RHEB: variants seen among roughly 807,000 people sequenced by gnomAD.
RHEB encodes GTP-binding protein Rheb.
RHEB carries 2 observed loss-of-function variants against 28.8 expected under a neutral mutation model. That is an observed-to-expected ratio of 0.07 (90% CI 0.03 to 0.22). The LOEUF is 0.22. Among genes scored for constraint, RHEB ranks in the 10% least tolerant of loss-of-function variants. The pLI, the probability that RHEB is intolerant of heterozygous loss-of-function variation, is 1.00. For synonymous variants in RHEB, 69 were observed against 77.3 expected, an observed-to-expected ratio of 0.89 and a Z score of 0.56; for missense variants, 76 against 219.9, an observed-to-expected ratio of 0.35 and a Z score of 4.14.
At chr7:151,478,336 C>A (rs1182008373) in intron 3 of RHEB, among the ~76,000 whole-genome samples, 3 of 150,716 alleles carry the variant, frequency 2.0e-5, no homozygotes, top group Admixed American at 2.0e-4. Flanking sequence ...ATGGTTATAA[C>A]CACTGTTTAT....
At chr7:151,505,261 A>G (rs1802849984) in intron 1 of RHEB, among the ~76,000 whole-genome samples, 1 of 152,220 alleles carries the variant, frequency 6.6e-6, no homozygotes, top group African/African-American at 2.4e-5. Flanking sequence ...AAGTCACACT[A>G]GGAGAAAATA....
At position 151,472,933 on chromosome 7, in the gene RHEB, C is replaced by T. The variant is rs1109089; in HGVS notation, c.276-1328G>A. Among the ~76,000 whole-genome samples the T allele has an allele frequency of 0.4, 60,541 of 152,122 alleles. 14,128 individuals are homozygous for T. The highest frequency in any genetic ancestry group is 0.6 in the South Asian group (2,870 of 4,820). ...TGCATTACAGAACCACGGTTTCCTC[C>T]GCATGCTGTATTTGCCTATCTTTAA... On this transcript the variant is annotated intron_variant, in intron 4 of 7. Transcript: ENST00000262187. The surrounding 1 kb of genome is among the most constrained non-coding windows in gnomAD (Gnocchi z 5.2).
intron 1 of RHEB, among the ~76,000 whole-genome samples, chr7:151,504,380 G>A (rs1802829543): frequency 6.6e-6 from 1 of 152,192 alleles, no homozygotes; most frequent in South Asian, 2.1e-4. Context: ...CTGGTTCCAG[G>A]ATGCTTGAGG....
At position 151,479,490 on chromosome 7, in the gene RHEB, G is replaced by C. The variant is rs182240420; in HGVS notation, c.193-2075C>G. Among the ~76,000 whole-genome samples, 374 of 152,182 alleles carry C rather than the reference G, an allele frequency of 2.5e-3. 1 individual carries two copies. The highest frequency in any genetic ancestry group is 3.3e-3 in the South Asian group (16 of 4,826). On this transcript the variant is annotated intron_variant, in intron 3 of 7. Coordinates refer to ENST00000262187, the MANE Select transcript of RHEB (RefSeq NM_005614.4). ...AAGGTCAGGAGATTCATATCATCCT[G>C]GCTAACACAGTGAAACCCCGTCTCC...
rs554703512 is a variant in RHEB at position 151,479,678 on chromosome 7, G to C, written c.193-2263C>G. Among the ~76,000 whole-genome samples, 65 of 98,088 alleles carry C rather than the reference G, an allele frequency of 6.6e-4. 1 individual carries two copies. Among genetic ancestry groups the C allele is most frequent in the South Asian group, 6.6e-3 (16 of 2,440 alleles). 64.3% of individuals were successfully genotyped at this position (98,088 alleles called of 152,430 possible). On this transcript the variant is annotated intron_variant, in intron 3 of 7. Coordinates refer to ENST00000262187, the MANE Select transcript of RHEB (RefSeq NM_005614.4). ...AGCCTGGGCGATAGAGCGAGACTCC[G>C]TCTCAAAAAAAAAAAAAAAAAGATT...
At chr7:151,502,919 G>C (rs1245322183) in intron 1 of RHEB, 2 of 796,800 alleles carry the variant, frequency 2.5e-6, no homozygotes, top group African/African-American at 3.4e-5. Context: ...AAAATTAGTT[G>C]ATATATCCTA....
At chr7:151,499,256 G>A (rs187591833) in intron 1 of RHEB, among the ~76,000 whole-genome samples, 508 of 152,292 alleles carry the variant, frequency 3.3e-3, no homozygotes, top group Non-Finnish European at 4.7e-3. Flanking sequence ...TACTGGGGAG[G>A]CTGAGGCACA....
At chr7:151,467,910 C>T (rs1802095000) in intron 7 of RHEB, among the ~76,000 whole-genome samples, 1 of 152,068 alleles carries the variant, frequency 6.6e-6, no homozygotes, top group South Asian at 2.1e-4. Flanking sequence ...CTTTATTTTT[C>T]CTTTTTTGTT....
chr7:151,483,726 G>C (rs569396829), intron 3 of RHEB, among the ~76,000 whole-genome samples: 4 of 152,258 alleles, frequency 2.6e-5, no homozygotes, highest in Non-Finnish European at 5.9e-5. Context: ...AATGTTGCAA[G>C]GGCAGGAGTT....
intron 1 of RHEB, among the ~76,000 whole-genome samples, chr7:151,499,824 T>A (rs1802740833): frequency 1.3e-5 from 2 of 152,246 alleles, no homozygotes; most frequent in Admixed American, 6.5e-5. Flanking sequence ...TGTCTTTTTT[T>A]CGGAGACAGG....
intron 3 of RHEB, among the ~76,000 whole-genome samples, chr7:151,479,488 C>T (rs916594405): frequency 1.3e-5 from 2 of 152,092 alleles, no homozygotes; most frequent in African/African-American, 2.4e-5. Context: ...TCATATCATC[C>T]TGGCTAACAC....
chr7:151,485,594 T>C (rs1390378789), intron 2 of RHEB, among the ~76,000 whole-genome samples: 5 of 152,360 alleles, frequency 3.3e-5, no homozygotes, highest in East Asian at 1.9e-4. Flanking sequence ...AATCTCCTGA[T>C]TGGCCGTCCT....
chr7:151,518,530 A>G (rs1234932695), intron 1 of RHEB, among the ~76,000 whole-genome samples: 1 of 152,146 alleles, frequency 6.6e-6, no homozygotes, highest in African/African-American at 2.4e-5. Context: ...GAGACAATAC[A>G]GCCTCACCCT....
chr7:151,517,778 C>A (rs551906328), intron 1 of RHEB: 1 of 151,832 alleles, frequency 6.6e-6, no homozygotes, highest in Admixed American at 6.5e-5. Flanking sequence ...GTAAATCAGT[C>A]AAGATCTTTA....
intron 1 of RHEB, among the ~76,000 whole-genome samples, chr7:151,516,187 G>A (rs1008407083): frequency 2.0e-5 from 3 of 152,256 alleles, no homozygotes; most frequent in African/African-American, 4.8e-5. Flanking sequence ...TATAGGTGAC[G>A]TGTCCTTAAA....
At chr7:151,502,665 C>A in intron 1 of RHEB, 3 of 1,609,814 alleles carry the variant, frequency 1.9e-6, no homozygotes, top group Non-Finnish European at 2.5e-6. Flanking sequence ...TTGGCACACT[C>A]CAAGGAAACA....
chr7:151,506,188 CT>C lies in RHEB; in HGVS notation c.52+13271del, dbSNP rs574892432. ...TTTTTTTTAAAAGATAATGCATTTACTTTTTTTTTTTTTTTTGAGACAGGGT... is the reference window on the plus strand; with the variant it reads ...TTTTTTTTAAAAGATAATGCATTTACTTTTTTTTTTTTTTTGAGACAGGGT... On this transcript the variant is annotated intron_variant, in intron 1 of 7. Transcript: ENST00000262187. Among the ~76,000 whole-genome samples, 689 of 139,742 alleles carry C rather than the reference CT, an allele frequency of 4.9e-3. 1 individual carries two copies. Among genetic ancestry groups the C allele is most frequent in the African/African-American group, 8.5e-3 (324 of 38,210 alleles). 91.7% of individuals were successfully genotyped at this position (139,742 alleles called of 152,430 possible).
At chr7:151,471,506 A>T (rs1361044438) in intron 5 of RHEB, 43 bp downstream of exon 5, 1 of 1,555,658 alleles carries the variant, frequency 6.4e-7, no homozygotes, top group East Asian at 2.2e-5. Flanking sequence ...AGATACTATT[A>T]AAAGAAGTTT....
chr7:151,501,894 G>C (rs1584863361), intron 1 of RHEB: 2 of 691,844 alleles, frequency 2.9e-6, no homozygotes, highest in East Asian at 7.2e-5. Context: ...GACGACCCCA[G>C]TGCTGTGGAC....
Sources: gnomAD v4.1 joint callset for allele counts (sites outside exome capture counted in the v4.1 genomes callset) on GRCh38, gnomAD v4.1.1 for gene constraint, Gnocchi (gnomAD v3.1) non-coding constraint, MANE v1.5 for transcripts, NCBI Gene and HGNC (gene_info 2026-07-23, HGNC 2026-07-21) for gene names.